SAV1: variants seen among roughly 807,000 people sequenced by gnomAD.
The protein encoded by SAV1 is salvador family WW domain containing protein 1.
A neutral mutation model predicts 47.3 loss-of-function variants in SAV1; 23 were observed. That is an observed-to-expected ratio of 0.49 (90% CI 0.35 to 0.69). The LOEUF is 0.69. Among genes scored for constraint, SAV1 ranks in the 30% least tolerant of loss-of-function variants. The probability of loss-of-function intolerance (pLI) is 0.01; values close to 1 mark genes in which losing one functional copy is unlikely to be tolerated. For missense variants in SAV1, 448 were observed against 457.4 expected, an observed-to-expected ratio of 0.98 and a Z score of 0.19; for synonymous variants, 155 against 159.2, an observed-to-expected ratio of 0.97 and a Z score of 0.20.
At chr14:50,640,461 C>T (rs2039672218) in intron 4 of SAV1, among the ~76,000 whole-genome samples, 1 of 152,138 alleles carries the variant, frequency 6.6e-6, no homozygotes, top group East Asian at 1.9e-4. Flanking sequence ...CACTTATTTA[C>T]AAATTAATCT....
At position 50,644,771 on chromosome 14, in the gene SAV1, G is replaced by T. The variant is rs747993382; in HGVS notation, c.779C>A (p.Ala260Asp). The change falls in exon 3 of 5, where the codon GCC becomes GAC. Residue 260 changes from alanine to aspartate, a missense_variant. Transcript: ENST00000324679. ...AGGAGCACAGGGATGCCTGTATTGG[G>T]CCTTCTTATTTGTGTGATCTACATA... Reference protein sequence around the residue: ...TYYVDHTNKKAQYRHPCAPSV... With the variant: ...TYYVDHTNKKDQYRHPCAPSV... 4.0e-5 allele frequency: 65 copies of T among 1,613,958 alleles called. No homozygotes were observed. The highest frequency in any genetic ancestry group is 5.5e-5 in the Non-Finnish European group (65 of 1,179,960).
intron 2 of SAV1, 69 bp from the exon 3 acceptor site, chr14:50,645,083 G>A (rs2039710819): frequency 8.0e-6 from 11 of 1,366,960 alleles, no homozygotes; most frequent in Non-Finnish European, 1.1e-5. Flanking sequence ...GTGCCAGCTA[G>A]CAAAGTCACA....
intron 2 of SAV1, among the ~76,000 whole-genome samples, chr14:50,647,538 G>C (rs942854640): frequency 6.6e-5 from 10 of 151,582 alleles, no homozygotes; most frequent in South Asian, 2.1e-4. Flanking sequence ...CGGCACTCCG[G>C]TCTGTGCAAC....
intron 2 of SAV1, among the ~76,000 whole-genome samples, chr14:50,646,141 C>T (rs2039719562): frequency 6.6e-6 from 1 of 152,158 alleles, no homozygotes; most frequent in Non-Finnish European, 1.5e-5. Flanking sequence ...TAGTACCTAA[C>T]CCTGTGTATG....
chr14:50,649,306 C>T (rs951999715), intron 2 of SAV1, among the ~76,000 whole-genome samples: 7 of 152,144 alleles, frequency 4.6e-5, no homozygotes, highest in African/African-American at 1.7e-4. Flanking sequence ...TGTTTATTTA[C>T]CTACAAGAAT....
chr14:50,667,421 T>G, intron 1 of SAV1: 2 of 456,340 alleles, frequency 4.4e-6, no homozygotes, highest in Non-Finnish European at 8.8e-6. Context: ...TAAGGAATTC[T>G]GCCCCAGAGT....
chr14:50,645,704 CTG>C (rs2039716056), intron 2 of SAV1, among the ~76,000 whole-genome samples: 1 of 46,740 alleles, frequency 2.1e-5, no homozygotes, highest in South Asian at 1.1e-3. Flanking sequence ...AAAATTTCCC[CTG>C]ATTAAAGATT....
Position 50,667,877 on chromosome 14 carries a change from G to A in SAV1, c.91C>T (p.Arg31Trp). The A allele has an allele frequency of 6.2e-7, 1 of 1,612,822 alleles. No homozygotes were observed. Residue 31 changes from arginine to tryptophan, a missense_variant, in exon 1 of 5, where the codon CGG becomes TGG. Coordinates refer to ENST00000324679, the MANE Select transcript of SAV1 (RefSeq NM_021818.4). ...GCACGCCCCGCCTGACACTCACTCC[G>A]AAGCAGAGGCGACGTCTCCTTCTTC... ...YVKKETSPLLRNLMPSFIRHG... is the reference protein window; with the variant it reads ...YVKKETSPLLWNLMPSFIRHG...
chr14:50,653,601 T>C (rs893255640), intron 2 of SAV1, among the ~76,000 whole-genome samples: 1 of 152,172 alleles, frequency 6.6e-6, no homozygotes, highest in African/African-American at 2.4e-5. Context: ...CCGGACACGG[T>C]GGCTCACACC....
At chr14:50,637,428 A>G (rs1378046966) in intron 4 of SAV1, among the ~76,000 whole-genome samples, 3 of 152,220 alleles carry the variant, frequency 2.0e-5, no homozygotes. Flanking sequence ...TTAATCTCCC[A>G]GAGTTAGCTA....
chr14:50,661,533 G>A (rs1477878229), intron 2 of SAV1, among the ~76,000 whole-genome samples: 2 of 152,130 alleles, frequency 1.3e-5, no homozygotes, highest in Non-Finnish European at 2.9e-5. Flanking sequence ...ATGTCCTGAA[G>A]TGTTTCCCCT....
chr14:50,657,635 G>A (rs3015493), intron 2 of SAV1, among the ~76,000 whole-genome samples: 122,999 of 152,180 alleles, frequency 0.81, 50,405 homozygotes, highest in African/African-American at 0.95. Flanking sequence ...GGAAAAAATG[G>A]TAACTTCAGT....
In SAV1 at chr14:50,667,225, A is replaced by AG. The variant is rs11359113; in HGVS notation, c.94+648dup. 3.1e-3 allele frequency among the ~76,000 whole-genome samples: 457 copies of AG among 149,810 alleles called. 3 individuals carry two copies. The highest frequency in any genetic ancestry group is 0.01 in the African/African-American group (423 of 40,794). The stretch of plus-strand genomic sequence containing the variant: ...CCCTATTAAAAAAAAAAACTTTTCG[A>AG]GGGGGGGGTTCTCTAATACGATAGA... On this transcript the variant is annotated intron_variant, in intron 1 of 4. Coordinates refer to ENST00000324679, the MANE Select transcript of SAV1 (RefSeq NM_021818.4).
intron 2 of SAV1, among the ~76,000 whole-genome samples, chr14:50,648,763 G>A (rs1317715516): frequency 6.6e-6 from 1 of 151,554 alleles, no homozygotes; most frequent in Admixed American, 6.6e-5. Flanking sequence ...GGGCGACGGA[G>A]CAAGACTCCG....
rs550267166 is a variant in SAV1, at chr14:50,665,588, T to C, written c.126A>G (p.Pro42=). 1.1e-5 allele frequency: 17 copies of C among 1,612,806 alleles called. No individual in the cohort carries two copies. In the Admixed American group the frequency reaches 2.3e-4, roughly 22 times the overall value. ...AGATATCAGTTCGTCTTGGAATTGT[T>C]GGACCATGCCGGATGAATGAAGGCA... The part of the protein sequence containing the change: ...NLMPSFIRHG[P]TIPRRTDICL... The change falls in exon 2 of 5, where the codon CCA becomes CCG. Residue 42 remains proline (P), a synonymous_variant. Transcript: ENST00000324679.
At chr14:50,667,393 T>C (rs752428046) in intron 1 of SAV1, 3 of 455,836 alleles carry the variant, frequency 6.6e-6, no homozygotes, top group Admixed American at 2.4e-5. Context: ...TTCTCAAGTC[T>C]GCATCCGGCA....
Position 50,635,401 on chromosome 14 carries a change from T to TCATATGTATGTGTTGTGAA in SAV1, c.951-18_951-17insTTCACAACACATACATATG. On this transcript the variant is annotated splice_polypyrimidine_tract_variant and intron_variant, in intron 4 of 4. Transcript: ENST00000324679. The stretch of plus-strand genomic sequence containing the variant: ...TGGTCATATCTGTTTTAAAACACAA[T>TCATATGTATGTGTTGTGAA]CATATATATGTTCACAACACATACA... 2 of 1,599,430 alleles carry TCATATGTATGTGTTGTGAA rather than the reference T, an allele frequency of 1.3e-6. No individual in the cohort carries two copies. The highest frequency in any genetic ancestry group is 1.7e-6 in the Non-Finnish European group (2 of 1,166,848).
chr14:50,636,078 C>T (rs985446117), intron 4 of SAV1, among the ~76,000 whole-genome samples: 11 of 152,110 alleles, frequency 7.2e-5, no homozygotes, highest in Admixed American at 1.3e-4. Flanking sequence ...TAAAGAATAC[C>T]TATTTCTTTA....
chr14:50,636,723 G>T (rs946348856), intron 4 of SAV1, among the ~76,000 whole-genome samples: 5 of 152,172 alleles, frequency 3.3e-5, no homozygotes, highest in Admixed American at 3.3e-4. Context: ...AAAGTGCTTA[G>T]TGACTAAAAG....
Sources: allele counts gnomAD v4.1 joint callset (sites outside exome capture counted in the v4.1 genomes callset), GRCh38; gene constraint gnomAD v4.1.1; transcripts MANE v1.5; gene names NCBI Gene and HGNC (gene_info 2026-07-23, HGNC 2026-07-21).